JMJD6: variants seen among roughly 807,000 people sequenced by gnomAD.
JMJD6 encodes the protein bifunctional arginine demethylase and lysyl-hydroxylase JMJD6.
A neutral mutation model predicts 45.8 loss-of-function variants in JMJD6; 17 were observed. That is an observed-to-expected ratio of 0.37 (90% CI 0.25 to 0.56). The LOEUF is 0.56. Among genes scored for constraint, JMJD6 ranks in the 20% least tolerant of loss-of-function variants. The pLI is 0.79. For missense variants in JMJD6, 470 were observed against 517.5 expected, an observed-to-expected ratio of 0.91 and a Z score of 0.89; for synonymous variants, 221 against 196.3, an observed-to-expected ratio of 1.13 and a Z score of -1.05.
Position 76,718,687 on chromosome 17 carries a change from G to A in JMJD6, c.*42C>T, listed in dbSNP as rs1467606861. The A allele has an allele frequency of 2.5e-6, 4 of 1,601,392 alleles. No homozygotes were observed. In the African/African-American group the frequency reaches 4.0e-5, roughly 16 times the overall value. On this transcript the variant is annotated 3_prime_UTR_variant, in exon 6 of 6. Transcript: ENST00000397625. ...GCCACCCTCCCCAGGCCCTGCCCTT[G>A]CCGCGAGCGTGTCCTTCCATACAGA...
chr17:76,721,230 T>C (rs1471634272), intron 4 of JMJD6: 1 of 355,464 alleles, frequency 2.8e-6, no homozygotes. Context: ...GCAGGGAGGC[T>C]GAGCATGGAA....
At chr17:76,719,890 G>C (rs1410435044) in intron 5 of JMJD6, among the ~76,000 whole-genome samples, 2 of 152,222 alleles carry the variant, frequency 1.3e-5, no homozygotes, top group Non-Finnish European at 2.9e-5. Flanking sequence ...GGGAGGCTGA[G>C]GCGGGTGGAT....
At chr17:76,720,122 G>A (rs1337973336) in intron 5 of JMJD6, among the ~76,000 whole-genome samples, 1 of 152,212 alleles carries the variant, frequency 6.6e-6, no homozygotes, top group East Asian at 1.9e-4. Context: ...TCCAGCCTGG[G>A]CAACAAGAGC....
At chr17:76,722,483 G>C (rs2076837439) in intron 3 of JMJD6, among the ~76,000 whole-genome samples, 1 of 152,202 alleles carries the variant, frequency 6.6e-6, no homozygotes, top group African/African-American at 2.4e-5. Context: ...TTGGGAGGCT[G>C]AGGCAGGAGG....
At chr17:76,720,235 T>G (rs1598375892) in intron 5 of JMJD6, 125 bp downstream of exon 5, 1 of 879,952 alleles carries the variant, frequency 1.1e-6, no homozygotes, top group Admixed American at 2.0e-5. Context: ...GTGTAACCCT[T>G]AGAACAACGT....
At chr17:76,726,167 G>A (rs1242000691) in intron 1 of JMJD6, among the ~76,000 whole-genome samples, 180 bp downstream of exon 1, 2 of 152,248 alleles carry the variant, frequency 1.3e-5, no homozygotes, top group Admixed American at 6.5e-5. Context: ...GCCACAGCAC[G>A]GGAGGAAGCA....
At chr17:76,723,471 T>C (rs8066521) in intron 3 of JMJD6, among the ~76,000 whole-genome samples, 149,728 of 150,988 alleles carry the variant, frequency 0.99, 74,250 homozygotes, top group East Asian at 1. Flanking sequence ...GATGGAGTCT[T>C]ACTCTGTCAC....
At chr17:76,720,279 G>A in intron 5 of JMJD6, 81 bp downstream of exon 5, 1 of 1,284,862 alleles carries the variant, frequency 7.8e-7, no homozygotes, top group Non-Finnish European at 1.1e-6. Flanking sequence ...CTGGATAGGA[G>A]GAGGAAGAGT....
At chr17:76,723,594 C>T (rs2076856577) in intron 3 of JMJD6, among the ~76,000 whole-genome samples, 178 bp downstream of exon 3, 1 of 152,116 alleles carries the variant, frequency 6.6e-6, no homozygotes, top group Admixed American at 6.5e-5. Flanking sequence ...GCGCCCACCA[C>T]CACGCCCGGC....
In JMJD6 at chr17:76,726,264, G is replaced by C. The variant is rs550961814; in HGVS notation, c.129+83C>G. On this transcript the variant is annotated intron_variant, in intron 1 of 5. Coordinates refer to ENST00000397625, the MANE Select transcript of JMJD6 (RefSeq NM_015167.3). Reference sequence around the variant, plus strand: ...ACGAGGTCCCGGGCGCTCGGGGCGAGGGCAGCCTCGGGCCCAGAGAAAGGT... The same window carrying C: ...ACGAGGTCCCGGGCGCTCGGGGCGACGGCAGCCTCGGGCCCAGAGAAAGGT... 5 of 1,467,496 alleles carry C rather than the reference G, an allele frequency of 3.4e-6. No individual in the cohort carries two copies. In the African/African-American group the frequency reaches 5.9e-5, roughly 17 times the overall value. 90.9% of individuals were successfully genotyped at this position (1,467,496 alleles called of 1,614,324 possible).
Position 76,721,914 on chromosome 17 carries a change from G to A in JMJD6, c.825C>T (p.Val275=), listed in dbSNP as rs565180676. 3.7e-6 allele frequency: 6 copies of A among 1,614,100 alleles called. No homozygotes were observed. In the South Asian group the frequency reaches 4.4e-5, roughly 12 times the overall value. ...TGGCGATAGTAGTGTCGAGATTGAG[G>A]ACAACATGCCACCAGCCTCCTGAAA... ...VFVPGGWWHV[V]LNLDTTIAIT... The change falls in exon 4 of 6, where the codon GTC becomes GTT. Residue 275 remains valine, a synonymous_variant. Coordinates refer to ENST00000397625, the MANE Select transcript of JMJD6 (RefSeq NM_015167.3).
At chr17:76,714,205 C>G (rs1261011501), downstream of JMJD6, 1 of 152,208 alleles carries the variant, frequency 6.6e-6, no homozygotes, top group African/African-American at 2.4e-5. Context: ...AGCCTCATCC[C>G]CAAAGACCCA....
chr17:76,718,270 A>C (rs1230960632), downstream of JMJD6, among the ~76,000 whole-genome samples: 2 of 151,382 alleles, frequency 1.3e-5, no homozygotes, highest in East Asian at 3.9e-4. Flanking sequence ...GCAAGAGGCC[A>C]CGCCTCAGGT....
In JMJD6 at chr17:76,725,137, G is replaced by A. The variant is rs562113820; in HGVS notation, c.518+330C>T. ...AAGATTTTAACCACAGGCCGGGCGC[G>A]GTGGCTCACACCTGCAATCGCAGCA... On this transcript the variant is annotated intron_variant, in intron 2 of 5. Transcript: ENST00000397625. Among the ~76,000 whole-genome samples the A allele has an allele frequency of 1.8e-4, 28 of 152,248 alleles. No homozygotes were observed. In the East Asian group the frequency reaches 2.1e-3, roughly 12 times the overall value.
chr17:76,718,784 C>T lies in JMJD6; in HGVS notation c.1157G>A (p.Gly386Glu). Residue 386 changes from glycine to glutamate, a missense_variant, in exon 6 of 6, where the codon GGG becomes GAG. Gly to Glu is a moderately conservative substitution (Grantham distance 98). This residue lies in a region of JMJD6 where 21 missense variants were observed against 36.9 expected (regional missense o/e 0.57). Coordinates refer to ENST00000397625, the MANE Select transcript of JMJD6 (RefSeq NM_015167.3). ...KRRTCSMVGN[G>E]DTTSQDDCVS... is the part of the protein sequence containing the mutation. ...ACAGTCGTCCTGGGAGGTGGTGTCC[C>T]CGTTTCCCACCATGCTGCACGTCCT... 6.2e-7 allele frequency: 1 copy of T among 1,614,222 alleles called. No individual in the cohort carries two copies. Among genetic ancestry groups the T allele is most frequent in the Non-Finnish European group, 8.5e-7 (1 of 1,180,042 alleles).
At chr17:76,723,734 C>A (rs372444608) in intron 3 of JMJD6, 38 bp downstream of exon 3, 1 of 1,599,268 alleles carries the variant, frequency 6.3e-7, no homozygotes, top group Non-Finnish European at 8.6e-7. Flanking sequence ...AACCACCGCG[C>A]CCGGCAAAGA....
chr17:76,721,572 C>T (rs2076824573), intron 4 of JMJD6, among the ~76,000 whole-genome samples: 1 of 152,210 alleles, frequency 6.6e-6, no homozygotes, highest in South Asian at 2.1e-4. Flanking sequence ...GACTGAGTGG[C>T]TTGGATTCAA....
At chr17:76,713,625 C>T (rs1279648998), downstream of JMJD6, 2 of 152,226 alleles carry the variant, frequency 1.3e-5, no homozygotes, top group Non-Finnish European at 2.9e-5. Context: ...GCTGGGGCAT[C>T]CTTATACGCC....
Position 76,722,017 on chromosome 17 carries a change from T to G in JMJD6, c.806-84A>C, listed in dbSNP as rs1598377819. 2.7e-6 allele frequency: 4 copies of G among 1,461,316 alleles called. No homozygotes were observed. The East Asian group carries it at 9.6e-5, about 35-fold the overall frequency. 90.5% of individuals were successfully genotyped at this position (1,461,316 alleles called of 1,614,324 possible). On this transcript the variant is annotated intron_variant, in intron 3 of 5. Transcript: ENST00000397625. ...AACACACACACCAGAAATTGGGAAC[T>G]CCTACCCATAAGGGAGAGCCTACAG...
Sources: gnomAD v4.1 joint callset for allele counts (sites outside exome capture counted in the v4.1 genomes callset) on GRCh38, gnomAD v4.1.1 for gene constraint, gnomAD v4.1.1 regional missense constraint, MANE v1.5 for transcripts, NCBI Gene and HGNC (gene_info 2026-07-23, HGNC 2026-07-21) for gene names.